Variants in ERC2 observed in about 807,000 individuals in gnomAD.
ERC2 encodes ERC protein 2.
A neutral mutation model predicts 114.8 loss-of-function variants in ERC2; 42 were observed. That is an observed-to-expected ratio of 0.37 (90% CI 0.29 to 0.47). The LOEUF is 0.47. Among genes scored for constraint, ERC2 ranks in the 20% least tolerant of loss-of-function variants. The pLI, the probability that ERC2 is intolerant of heterozygous loss-of-function variation, is 0.99. For synonymous variants in ERC2, 454 were observed against 425.5 expected, an observed-to-expected ratio of 1.07 and a Z score of -0.82; for missense variants, 939 against 1,150.7, an observed-to-expected ratio of 0.82 and a Z score of 2.66.
intron 6 of ERC2, among the ~76,000 whole-genome samples, chr3:56,107,831 T>C (rs1251684894): frequency 1.3e-5 from 2 of 152,154 alleles, no homozygotes; most frequent in Non-Finnish European, 2.9e-5. Flanking sequence ...TAATAGCAAC[T>C]AGGTGAATTT....
chr3:55,886,990 T>G lies in ERC2; in HGVS notation c.2564+1399A>C, dbSNP rs539695891. Among the ~76,000 whole-genome samples the G allele has an allele frequency of 2.0e-5, 3 of 152,362 alleles. No individual in the cohort carries two copies. The East Asian group carries it at 5.8e-4, about 29-fold the overall frequency. On this transcript the variant is annotated intron_variant, in intron 14 of 17. Transcript: ENST00000288221. Reference sequence around the variant, plus strand: ...ACAAACAATCATTGAGCACCTCCCATGTGCCCAGCACTGCTCTTGTCTGCA... The same window carrying G: ...ACAAACAATCATTGAGCACCTCCCAGGTGCCCAGCACTGCTCTTGTCTGCA...
At chr3:56,002,653 T>C (rs1240979501) in intron 10 of ERC2, among the ~76,000 whole-genome samples, 2 of 152,188 alleles carry the variant, frequency 1.3e-5, no homozygotes, top group Admixed American at 6.6e-5. Flanking sequence ...GTCAAGTATT[T>C]ACCAATCTCA....
chr3:55,953,795 A>G (rs7641315), intron 12 of ERC2, among the ~76,000 whole-genome samples: 15,947 of 152,108 alleles, frequency 0.1, 1,184 homozygotes, highest in East Asian at 0.25. Flanking sequence ...AAATGACCAC[A>G]GTGATTTTTG....
At chr3:55,667,821 G>A (rs1474868372) in intron 17 of ERC2, among the ~76,000 whole-genome samples, 1 of 152,218 alleles carries the variant, frequency 6.6e-6, no homozygotes, top group Non-Finnish European at 1.5e-5. Flanking sequence ...ACTAGTGAGT[G>A]ATGGAGCTGG....
chr3:55,534,361 G>A (rs1288702420), intron 17 of ERC2, among the ~76,000 whole-genome samples: 1 of 143,418 alleles, frequency 7.0e-6, no homozygotes, highest in Admixed American at 7.4e-5. Flanking sequence ...TCATACCAAC[G>A]TACTCCAACC....
chr3:55,687,790 C>T (rs1302093839), intron 16 of ERC2, among the ~76,000 whole-genome samples: 2 of 152,222 alleles, frequency 1.3e-5, no homozygotes, highest in Non-Finnish European at 2.9e-5. Context: ...GTGCCCTGAG[C>T]CTGGGCTCAA....
intron 1 of ERC2, among the ~76,000 whole-genome samples, chr3:56,450,170 T>A (rs1189970506): frequency 6.6e-6 from 1 of 152,236 alleles, no homozygotes; most frequent in Non-Finnish European, 1.5e-5. Flanking sequence ...TCCAAAAAGC[T>A]CTATGAAACT....
intron 6 of ERC2, among the ~76,000 whole-genome samples, chr3:56,086,243 C>T (rs1192172585): frequency 2.0e-5 from 3 of 152,154 alleles, no homozygotes; most frequent in African/African-American, 7.2e-5. Context: ...AAAAAACAAC[C>T]CTAGCCATGA....
intron 13 of ERC2, among the ~76,000 whole-genome samples, chr3:55,924,663 C>G (rs1489346746): frequency 6.6e-6 from 1 of 151,920 alleles, no homozygotes; most frequent in Non-Finnish European, 1.5e-5. Flanking sequence ...AATCCAAGAG[C>G]ACAGAAATGC....
At chr3:55,605,809 T>C (rs905073351) in intron 17 of ERC2, among the ~76,000 whole-genome samples, 3 of 152,246 alleles carry the variant, frequency 2.0e-5, no homozygotes, top group Admixed American at 1.3e-4. Context: ...TGGCTCATTC[T>C]GTTTGGTTCA....
intron 14 of ERC2, among the ~76,000 whole-genome samples, chr3:55,782,656 G>T (rs2069149811): frequency 6.6e-6 from 1 of 152,164 alleles, no homozygotes; most frequent in Non-Finnish European, 1.5e-5. Context: ...CAGGGAAAAT[G>T]GAATAGGGAG....
At chr3:55,997,503 ATATT>A (rs1359436395) in intron 10 of ERC2, among the ~76,000 whole-genome samples, 4 of 148,246 alleles carry the variant, frequency 2.7e-5, no homozygotes, top group African/African-American at 9.8e-5. Flanking sequence ...TTGAGTTATA[ATATT>A]TATATTATAT....
chr3:55,600,188 G>A (rs2058333903), intron 17 of ERC2, among the ~76,000 whole-genome samples: 1 of 152,180 alleles, frequency 6.6e-6, no homozygotes, highest in Non-Finnish European at 1.5e-5. Flanking sequence ...TACATAGTGA[G>A]AACCTGAGGA....
intron 14 of ERC2, among the ~76,000 whole-genome samples, chr3:55,743,578 A>G (rs2066107577): frequency 8.3e-6 from 1 of 120,308 alleles, no homozygotes; most frequent in Non-Finnish European, 1.6e-5. Flanking sequence ...GCTCATTACT[A>G]TGTGCCTGAT....
chr3:55,802,837 C>A (rs74993840), intron 14 of ERC2, among the ~76,000 whole-genome samples: 20,913 of 152,170 alleles, frequency 0.14, 1,671 homozygotes, highest in East Asian at 0.23. Context: ...CTGTCACTTA[C>A]AAGGTCTTAC....
intron 4 of ERC2, among the ~76,000 whole-genome samples, chr3:56,170,593 T>TGG (rs2082591667): frequency 1.4e-4 from 5 of 35,498 alleles, no homozygotes. Flanking sequence ...CTGTTTTTTT[T>TGG]TTTTTTTTTT....
At chr3:55,771,573 T>A (rs2149026934) in intron 14 of ERC2, among the ~76,000 whole-genome samples, 1 of 152,184 alleles carries the variant, frequency 6.6e-6, no homozygotes, top group African/African-American at 2.4e-5. Context: ...GGTGGAAAAA[T>A]TAGAAGATGA....
chr3:56,051,657 C>A (rs1209347974), intron 7 of ERC2, among the ~76,000 whole-genome samples: 1 of 152,096 alleles, frequency 6.6e-6, no homozygotes, highest in Non-Finnish European at 1.5e-5. Context: ...GCTACCCCAT[C>A]TCTACTTAAA....
intron 14 of ERC2, among the ~76,000 whole-genome samples, chr3:55,759,467 A>ACAAAAAC (rs1559609721): frequency 1.4e-4 from 2 of 14,736 alleles, no homozygotes; most frequent in African/African-American, 3.7e-4. Context: ...TTCATTAAAA[A>ACAAAAAC]AAAAAAAAAA....
Sources: gnomAD v4.1 joint callset for allele counts (sites outside exome capture counted in the v4.1 genomes callset) on GRCh38, gnomAD v4.1.1 for gene constraint, MANE v1.5 for transcripts, NCBI Gene and HGNC (gene_info 2026-07-23, HGNC 2026-07-21) for gene names.